The following CDC34 variants were observed in gnomAD, a reference collection of about 807,000 sequenced individuals.
The protein encoded by CDC34 is cell division cycle 34, ubiquitin conjugating enzyme.
In CDC34, 18 loss-of-function variants were observed where a neutral mutation model predicts 26.8. The ratio of observed to expected loss-of-function variants is 0.67; its 90% CI spans 0.47 to 1.00. The LOEUF is 1.00. Ranked by LOEUF, CDC34 falls within the 50% of genes least tolerant of loss-of-function variation. The probability of loss-of-function intolerance (pLI) is 0.00; values close to 1 mark genes in which losing one functional copy is unlikely to be tolerated. For missense variants in CDC34, 280 were observed against 334.5 expected, an observed-to-expected ratio of 0.84 and a Z score of 1.27; for synonymous variants, 178 against 147.5, an observed-to-expected ratio of 1.21 and a Z score of -1.50.
chr19:538,550 C>G, intron 4 of CDC34: 1 of 238,350 alleles, frequency 4.2e-6, no homozygotes, highest in Non-Finnish European at 6.7e-6. Context: ...TTTTTTTTCT[C>G]AGAGTGATAT....
intron 4 of CDC34, among the ~76,000 whole-genome samples, chr19:540,805 G>GCAC: frequency 1.4e-4 from 2 of 14,390 alleles, no homozygotes; most frequent in South Asian, 5.4e-3. Flanking sequence ...CAGGCCCCCC[G>GCAC]GTTTAGAATC....
At chr19:533,990 C>T (rs539768512) in intron 1 of CDC34, among the ~76,000 whole-genome samples, 1 of 152,364 alleles carries the variant, frequency 6.6e-6, no homozygotes, top group African/African-American at 2.4e-5. Flanking sequence ...AGAGAGCCCT[C>T]CACAGCCGAC....
chr19:539,692 G>C (rs1168545023), intron 4 of CDC34, among the ~76,000 whole-genome samples: 5 of 152,126 alleles, frequency 3.3e-5, no homozygotes, highest in Admixed American at 6.5e-5. Context: ...ATAGGGGCTC[G>C]AGCCCATTGC....
At position 538,745 on chromosome 19, in the gene CDC34, G is replaced by A. The variant is rs1037701120; in HGVS notation, c.497+1598G>A. 3.7e-5 allele frequency: 36 copies of A among 985,384 alleles called. No homozygotes were observed. The South Asian group carries it at 8.5e-4, about 23-fold the overall frequency. 61.0% of individuals were successfully genotyped at this position (985,384 alleles called of 1,614,324 possible). ...GTACCTGGTGTCGTGGGGTCATCTC[G>A]GGGCAGCATCCTGGTGCTGGGCGGT... On this transcript the variant is annotated intron_variant, in intron 4 of 4. Coordinates refer to ENST00000215574, the MANE Select transcript of CDC34 (RefSeq NM_004359.2).
chr19:535,745 G>A, intron 1 of CDC34, 92 bp from the exon 2 acceptor site: 2 of 940,388 alleles, frequency 2.1e-6, no homozygotes, highest in Non-Finnish European at 3.5e-6. Context: ...TCAGGCACCA[G>A]CACTGGGAGT....
intron 4 of CDC34, among the ~76,000 whole-genome samples, chr19:541,038 G>T (rs879717764): frequency 6.6e-6 from 1 of 152,182 alleles, no homozygotes; most frequent in Non-Finnish European, 1.5e-5. Flanking sequence ...TGCCGGCATC[G>T]TTATTTTCTC....
chr19:534,303 C>G (rs1979624604), intron 1 of CDC34, among the ~76,000 whole-genome samples: 1 of 152,030 alleles, frequency 6.6e-6, no homozygotes, highest in Non-Finnish European at 1.5e-5. Flanking sequence ...AGAGGACACC[C>G]CCCAAGACAC....
At position 531,986 on chromosome 19, in the gene CDC34, G is replaced by GA; in HGVS notation, c.55_56insA (p.Gly19GlufsTer67). 4 of 1,492,154 alleles carry GA rather than the reference G, an allele frequency of 2.7e-6. No individual in the cohort carries two copies. The highest frequency in any genetic ancestry group is 3.5e-6 in the Non-Finnish European group (4 of 1,128,266). The allele number at this position is 1,492,154 out of a possible 1,614,324, so 92.4% of individuals were successfully genotyped here. On this transcript the variant is annotated frameshift_variant, in exon 1 of 5. Coordinates refer to ENST00000215574, the MANE Select transcript of CDC34 (RefSeq NM_004359.2). LOFTEE classifies it high-confidence loss of function. The stretch of plus-strand genomic sequence containing the variant: ...GAAGGCGCTGCTGCTGGAGCTCAAG[G>GA]GGCTGCAGGAAGAGCCGGTCGAGGG...
At position 541,428 on chromosome 19, in the gene CDC34, C is replaced by G; in HGVS notation, c.587C>G (p.Ala196Gly). 6.2e-7 allele frequency: 1 copy of G among 1,612,584 alleles called. No individual in the cohort carries two copies. Among genetic ancestry groups the G allele is most frequent in the Non-Finnish European group, 8.5e-7 (1 of 1,179,908 alleles). ...GCCGAGTACTGCGTGAAGACCAAGG[C>G]GCCGGCGCCCGACGAGGGCTCAGAC... ...TLAEYCVKTKAPAPDEGSDLF... is the reference protein window; with the variant it reads ...TLAEYCVKTKGPAPDEGSDLF... Residue 196 changes from alanine (A) to glycine (G), a missense_variant, in exon 5 of 5, where the codon GCG becomes GGG. Transcript: ENST00000215574.
At chr19:535,062 G>T (rs973121053) in intron 1 of CDC34, among the ~76,000 whole-genome samples, 1 of 152,222 alleles carries the variant, frequency 6.6e-6, no homozygotes, top group African/African-American at 2.4e-5. Flanking sequence ...TTTACCTGCT[G>T]TGGCCCAGGA....
chr19:540,790 A>G (rs7255299), intron 4 of CDC34, among the ~76,000 whole-genome samples: 1,689 of 49,766 alleles, frequency 0.034, 395 homozygotes, highest in South Asian at 0.083. Flanking sequence ...AGAGGCTGGG[A>G]TGGCCAGGCC....
chr19:532,729 C>G (rs1426168910), intron 1 of CDC34, among the ~76,000 whole-genome samples: 1 of 152,254 alleles, frequency 6.6e-6, no homozygotes, highest in Non-Finnish European at 1.5e-5. Flanking sequence ...CCACCCTTGC[C>G]AGTAGCAGCC....
intron 3 of CDC34, 96 bp downstream of exon 3, chr19:536,436 C>G: frequency 3.9e-6 from 4 of 1,023,822 alleles, no homozygotes; most frequent in South Asian, 1.5e-5. Context: ...CGGGCTCCCC[C>G]ACAGGCTGTG....
At chr19:534,524 A>C (rs78714304) in intron 1 of CDC34, among the ~76,000 whole-genome samples, 4 of 44,672 alleles carry the variant, frequency 9.0e-5, no homozygotes, top group Admixed American at 3.3e-4. Flanking sequence ...CCCTGTCCAG[A>C]CCTCGCCCAC....
chr19:539,903 G>A (rs10419323), intron 4 of CDC34, among the ~76,000 whole-genome samples: 10,922 of 152,198 alleles, frequency 0.072, 466 homozygotes, highest in Middle Eastern at 0.18. Flanking sequence ...GGGTGTACAC[G>A]GTGCCCTCCA....
In CDC34 at chr19:535,943, GCCT is replaced by G. The variant is rs1568330137; in HGVS notation, c.264+22_264+24del. On this transcript the variant is annotated intron_variant, in intron 2 of 4. Coordinates refer to ENST00000215574, the MANE Select transcript of CDC34 (RefSeq NM_004359.2). The stretch of plus-strand genomic sequence containing the variant: ...TACGAGGTGAGCGCGGCCCCCACGG[GCCT>G]CAAGTCCTCATCCTCCGGGACCCAG... The G allele has an allele frequency of 3.1e-6, 5 of 1,605,724 alleles. No individual in the cohort carries two copies. The highest frequency in any genetic ancestry group is 1.7e-5 in the Admixed American group (1 of 60,010).
Position 533,802 on chromosome 19 carries a change from T to C in CDC34, c.177+1694T>C, listed in dbSNP as rs866619911. Among the ~76,000 whole-genome samples the C allele has an allele frequency of 2.6e-5, 4 of 152,178 alleles. No individual in the cohort carries two copies. The South Asian group carries it at 8.3e-4, about 32-fold the overall frequency. On this transcript the variant is annotated intron_variant, in intron 1 of 4. Coordinates refer to ENST00000215574, the MANE Select transcript of CDC34 (RefSeq NM_004359.2). ...CAGGGTCAGTCCTCAGAAGCCAGTG[T>C]TGAGACGGGGGTGCTGCCACCCACG...
At chr19:535,594 G>C (rs553149201) in intron 1 of CDC34, among the ~76,000 whole-genome samples, 4 of 152,220 alleles carry the variant, frequency 2.6e-5, no homozygotes, top group Non-Finnish European at 4.4e-5. Context: ...GCTGGGCCGG[G>C]TCCCGGCCAC....
At chr19:537,186 G>A in intron 4 of CDC34, 39 bp downstream of exon 4, 1 of 1,607,306 alleles carries the variant, frequency 6.2e-7, no homozygotes, top group South Asian at 1.1e-5. Context: ...GAGAGACTCA[G>A]ATCCGGCCTG....
Sources: gnomAD v4.1 joint callset for allele counts (sites outside exome capture counted in the v4.1 genomes callset) on GRCh38, gnomAD v4.1.1 for gene constraint, MANE v1.5 for transcripts, NCBI Gene and HGNC (gene_info 2026-07-23, HGNC 2026-07-21) for gene names.